Variants in ABCF1 observed in about 807,000 individuals in gnomAD.
ABCF1 encodes the protein ATP binding cassette subfamily F member 1, also known as ATP-binding cassette sub-family F member 1.
A neutral mutation model predicts 126.3 loss-of-function variants in ABCF1; 73 were observed. The ratio of observed to expected loss-of-function variants is 0.58; its 90% CI spans 0.48 to 0.70. The LOEUF is 0.70. Ranked by LOEUF, ABCF1 falls within the 30% of genes least tolerant of loss-of-function variation. The pLI, the probability that ABCF1 is intolerant of heterozygous loss-of-function variation, is 0.00. For synonymous variants in ABCF1, 345 were observed against 396.4 expected (o/e 0.87, Z 1.54); for missense variants, 786 against 1,057.5 (o/e 0.74, Z 3.56).
At chr6:30,582,653 C>T in intron 9 of ABCF1, 146 bp downstream of exon 9, 1 of 899,576 alleles carries the variant, frequency 1.1e-6, no homozygotes, top group Non-Finnish European at 1.7e-6. Context: ...TTCTGTGAAC[C>T]TTATCTCAAT....
Position 30,589,734 on chromosome 6 carries a change from G to A in ABCF1, c.2064+14G>A, listed in dbSNP as rs1802339030. ...AACCACCGGCTGGTAAGTTGGCATT[G>A]GGATTTAGGGAATGATAATCTGATG... On this transcript the variant is annotated intron_variant, in intron 21 of 24. Coordinates refer to ENST00000326195, the MANE Select transcript of ABCF1 (RefSeq NM_001025091.2). 2 of 1,614,066 alleles carry A rather than the reference G, an allele frequency of 1.2e-6. No homozygotes were observed. Among genetic ancestry groups the A allele is most frequent in the Admixed American group, 3.3e-5 (2 of 60,002 alleles).
Position 30,571,575 on chromosome 6 carries a change from C to T in ABCF1, c.73+15C>T. On this transcript the variant is annotated intron_variant, in intron 1 of 24. Coordinates refer to ENST00000326195, the MANE Select transcript of ABCF1 (RefSeq NM_001025091.2). ...GAGCCCATCAGGTGAGGCTGGTAGG[C>T]AAGGAAGAAACGAGCAGAGGGGGAA... The T allele has an allele frequency of 6.2e-7, 1 of 1,607,414 alleles. No homozygotes were observed. Among genetic ancestry groups the T allele is most frequent in the Non-Finnish European group, 8.5e-7 (1 of 1,178,322 alleles).
Position 30,583,209 on chromosome 6 carries a change from T to C in ABCF1, c.915+21T>C. 2 of 1,590,340 alleles carry C rather than the reference T, an allele frequency of 1.3e-6. No homozygotes were observed. The highest frequency in any genetic ancestry group is 1.7e-6 in the Non-Finnish European group (2 of 1,162,830). ...TCAAGGTAAGGTCTCAAGGGGCCCC[T>C]TCCAGTCCACTTACCTAGGGAAGAG... On this transcript the variant is annotated intron_variant, in intron 10 of 24. Transcript: ENST00000326195. This position sits in a 1 kb window ranked among gnomAD's most constrained non-coding sequence, Gnocchi z 4.1.
At chr6:30,571,661 C>A (rs3132612) in intron 1 of ABCF1, 101 bp downstream of exon 1, 8 of 1,323,300 alleles carry the variant, frequency 6.0e-6, no homozygotes, top group Non-Finnish European at 8.4e-6. Context: ...GACCGGGCCC[C>A]TGCGGGAGTT....
At chr6:30,577,677 T>C in intron 2 of ABCF1, 141 bp from the exon 3 acceptor site, 1 of 986,082 alleles carries the variant, frequency 1.0e-6, no homozygotes, top group Non-Finnish European at 1.5e-6. Context: ...CACTCCATTC[T>C]CCACAAAAAG....
chr6:30,590,238 A>G (rs1178890117), intron 23 of ABCF1, 25 bp downstream of exon 23: 21 of 1,612,930 alleles, frequency 1.3e-5, no homozygotes, highest in Non-Finnish European at 1.8e-5. Flanking sequence ...CTGTGGGAAA[A>G]GGGATAAGGG....
intron 2 of ABCF1, 56 bp from the exon 3 acceptor site, chr6:30,577,753 CAGAGCACAG>C: frequency 6.6e-7 from 1 of 1,504,282 alleles, no homozygotes; most frequent in Non-Finnish European, 9.2e-7. Context: ...CAATGTGTGG[CAGAGCACAG>C]CCTGCTTGGA....
chr6:30,572,455 A>G (rs374986735), intron 1 of ABCF1, among the ~76,000 whole-genome samples: 9 of 152,180 alleles, frequency 5.9e-5, no homozygotes, highest in African/African-American at 1.9e-4. Context: ...AGGAGCATCT[A>G]CTCAGACAGG....
chr6:30,585,646 G>A lies in ABCF1; in HGVS notation c.1564G>A (p.Asp522Asn), dbSNP rs370944948. 13 of 1,612,908 alleles carry A rather than the reference G, an allele frequency of 8.1e-6. No homozygotes were observed. Among genetic ancestry groups the A allele is most frequent in the East Asian group, 2.2e-5 (1 of 44,904 alleles). Residue 522 changes from aspartate to asparagine, a missense_variant, in exon 16 of 25, where the codon GAT (aspartate) becomes AAT (asparagine). Physicochemically the swap from Asp to Asn is conservative, Grantham distance 23 (BLOSUM62 1). Transcript: ENST00000326195. Reference protein sequence around the residue: ...DDVCTDIIHLDAQRLHYYRGN... With the variant: ...DDVCTDIIHLNAQRLHYYRGN... Reference sequence around the variant, plus strand: ...TGTCTGCACTGATATCATCCACCTCGATGCCCAGCGGCTCCACTACTATAG... The same window carrying A: ...TGTCTGCACTGATATCATCCACCTCAATGCCCAGCGGCTCCACTACTATAG...
intron 1 of ABCF1, 22 bp downstream of exon 1, chr6:30,571,582 G>C: frequency 6.2e-7 from 1 of 1,604,758 alleles, no homozygotes; most frequent in Non-Finnish European, 8.5e-7. Context: ...AGGCAAGGAA[G>C]AAACGAGCAG....
In ABCF1 at chr6:30,578,492, T is replaced by C. The variant is rs1313712878; in HGVS notation, c.404T>C (p.Leu135Pro). ...TAGGGTGGTAATGTTTTTGCAGCCC[T>C]GATTCAGGATCAGAGTGAGGAAGAG... ...KTKGGNVFAA[L>P]IQDQSEEEEE... is the part of the protein sequence containing the mutation. Residue 135 changes from leucine to proline, a missense_variant, in exon 6 of 25, where the codon CTG becomes CCG. Transcript: ENST00000326195. The C allele has an allele frequency of 6.2e-7, 1 of 1,613,990 alleles. No homozygotes were observed. The highest frequency in any genetic ancestry group is 8.5e-7 in the Non-Finnish European group (1 of 1,179,986).
rs187450280 is a variant in ABCF1, at chr6:30,571,864, C to G, written c.73+304C>G. ...ACCTTGCTTAAAAAATTTGGACATC[C>G]GCCCCACCATACACTGTATTCCACC... is the stretch of plus-strand genomic sequence containing the variant. On this transcript the variant is annotated intron_variant, in intron 1 of 24. Transcript: ENST00000326195. Among the ~76,000 whole-genome samples, 652 of 152,136 alleles carry G rather than the reference C, an allele frequency of 4.3e-3. 5 individuals carry two copies. The highest frequency in any genetic ancestry group is 0.015 in the African/African-American group (636 of 41,514).
At chr6:30,579,399 T>C (rs1290145144) in intron 6 of ABCF1, among the ~76,000 whole-genome samples, 1 of 151,868 alleles carries the variant, frequency 6.6e-6, no homozygotes, top group Non-Finnish European at 1.5e-5. Context: ...TCATTTAGGG[T>C]ACTCCTCAAC....
At position 30,584,603 on chromosome 6, in the gene ABCF1, C is replaced by T; in HGVS notation, c.1391+37C>T. On this transcript the variant is annotated intron_variant, in intron 14 of 24. Coordinates refer to ENST00000326195, the MANE Select transcript of ABCF1 (RefSeq NM_001025091.2). The surrounding 1 kb of genome is among the most constrained non-coding windows in gnomAD (Gnocchi z 4.6). The stretch of plus-strand genomic sequence containing the variant: ...ACCTCACTGCCCTCCCTTCCAGCCT[C>T]AGACCACCGGGGCCCTTTTCCTCTT... 2 of 1,553,136 alleles carry T rather than the reference C, an allele frequency of 1.3e-6. No individual in the cohort carries two copies. Among genetic ancestry groups the T allele is most frequent in the Non-Finnish European group, 1.7e-6 (2 of 1,153,234 alleles).
At position 30,582,299 on chromosome 6, in the gene ABCF1, G is replaced by T. The variant is rs889205325; in HGVS notation, c.679-95G>T. Reference sequence around the variant, plus strand: ...TCTTGATCTCCTGACCTTGGGATCTGCCCGCTTTGGCTTCCCAAAGTGCTG... The same window carrying T: ...TCTTGATCTCCTGACCTTGGGATCTTCCCGCTTTGGCTTCCCAAAGTGCTG... On this transcript the variant is annotated intron_variant, in intron 8 of 24. Transcript: ENST00000326195. 9.1e-5 allele frequency: 64 copies of T among 704,728 alleles called. No individual in the cohort carries two copies. The Admixed American group carries it at 1.5e-3, about 17-fold the overall frequency. The allele number at this position is 704,728 out of a possible 1,614,324, so 43.7% of individuals were successfully genotyped here.
At chr6:30,573,601 G>A (rs1452245121) in intron 1 of ABCF1, among the ~76,000 whole-genome samples, 1 of 152,190 alleles carries the variant, frequency 6.6e-6, no homozygotes, top group Non-Finnish European at 1.5e-5. Flanking sequence ...ATGAGACTGA[G>A]AAAGGCAAAC....
chr6:30,573,695 G>A (rs1801363156), intron 1 of ABCF1, among the ~76,000 whole-genome samples: 1 of 152,180 alleles, frequency 6.6e-6, no homozygotes, highest in Admixed American at 6.5e-5. Context: ...AAGGTGTGGA[G>A]GTAGGCAGCA....
Position 30,583,071 on chromosome 6 carries a change from G to C in ABCF1, c.798G>C (p.Glu266Asp). The part of the protein sequence containing the change: ...KEKKKLKKQM[E>D]YERQVASLKA... ...AGTTTTTCCTACCTTCTCAGATGGA[G>C]TATGAGCGCCAAGTGGCTTCATTAA... The change falls in exon 10 of 25, where the codon GAG becomes GAC. Residue 266 changes from glutamate to aspartate, a missense_variant. This residue lies in a region of ABCF1 where 322 missense variants were observed against 322.9 expected (regional missense o/e 1.00). Coordinates refer to ENST00000326195, the MANE Select transcript of ABCF1 (RefSeq NM_001025091.2). The surrounding 1 kb of genome is among the most constrained non-coding windows in gnomAD (Gnocchi z 4.1). The C allele has an allele frequency of 6.2e-7, 1 of 1,608,404 alleles. No homozygotes were observed. Among genetic ancestry groups the C allele is most frequent in the Non-Finnish European group, 8.5e-7 (1 of 1,176,026 alleles).
intron 3 of ABCF1, 59 bp downstream of exon 3, chr6:30,577,972 T>G: frequency 6.2e-7 from 1 of 1,613,326 alleles, no homozygotes; most frequent in Non-Finnish European, 8.5e-7. Flanking sequence ...CCAACCCCTT[T>G]CCAGCCCATG....
Sources: gnomAD v4.1 joint callset for allele counts (sites outside exome capture counted in the v4.1 genomes callset) on GRCh38, gnomAD v4.1.1 for gene constraint, gnomAD v4.1.1 regional missense constraint, Gnocchi (gnomAD v3.1) non-coding constraint, MANE v1.5 for transcripts, NCBI Gene and HGNC (gene_info 2026-07-23, HGNC 2026-07-21) for gene names.